The following PRRC1 variants were observed in gnomAD, a reference collection of about 807,000 sequenced individuals.
PRRC1 encodes protein PRRC1.
In PRRC1, 39 loss-of-function variants were observed where a neutral mutation model predicts 40.7. The observed-to-expected ratio is 0.96, with a 90% CI of 0.74 to 1.25. The LOEUF (loss-of-function observed/expected upper bound fraction) is 1.25. Among genes scored for constraint, PRRC1 ranks in the 50% most tolerant of loss-of-function variants. PRRC1 has a pLI of 0.00. For synonymous variants in PRRC1, 175 were observed against 193.3 expected (o/e 0.91, Z 0.79); for missense variants, 573 against 548.3 (o/e 1.05, Z -0.45).
rs1768461679 is a variant in PRRC1, at chr5:127,553,988, G to C, written c.*2072G>C. 3 of 1,380,380 alleles carry C rather than the reference G, an allele frequency of 2.2e-6. No individual in the cohort carries two copies. The highest frequency in any genetic ancestry group is 2.9e-6 in the Non-Finnish European group (3 of 1,039,158). 85.5% of individuals were successfully genotyped at this position (1,380,380 alleles called of 1,614,324 possible). On this transcript the variant is annotated 3_prime_UTR_variant, in exon 9 of 9. Coordinates refer to ENST00000296666, the MANE Select transcript of PRRC1 (RefSeq NM_130809.5). ...TCTGGCCTCTCTGGTTCTGTTCTTG[G>C]CCCAGAGTTTTTGAAAAGCAGCGGA...
intron 7 of PRRC1, among the ~76,000 whole-genome samples, chr5:127,541,192 A>T (rs1291645484): frequency 6.6e-6 from 1 of 152,160 alleles, no homozygotes; most frequent in Non-Finnish European, 1.5e-5. Context: ...TTTTGTGTAT[A>T]TTGAACCAGC....
intron 8 of PRRC1, chr5:127,550,042 A>G (rs969716358): frequency 5.3e-5 from 8 of 151,464 alleles, no homozygotes; most frequent in African/African-American, 1.9e-4. Flanking sequence ...AAAACAGCAC[A>G]TCTAGTATGA....
intron 6 of PRRC1, among the ~76,000 whole-genome samples, chr5:127,538,081 A>G (rs966585911): frequency 6.6e-6 from 1 of 151,846 alleles, no homozygotes; most frequent in Admixed American, 6.6e-5. Flanking sequence ...AAAATATACA[A>G]TCTTGGTTTT....
At chr5:127,531,905 T>C (rs1767782758) in intron 5 of PRRC1, among the ~76,000 whole-genome samples, 1 of 151,742 alleles carries the variant, frequency 6.6e-6, no homozygotes, top group East Asian at 1.9e-4. Context: ...ATGATAAAGG[T>C]AGAGCCATCA....
intron 6 of PRRC1, among the ~76,000 whole-genome samples, chr5:127,536,910 A>G (rs1229730798): frequency 6.6e-6 from 1 of 151,918 alleles, no homozygotes; most frequent in Non-Finnish European, 1.5e-5. Context: ...GAGAAGAAAA[A>G]TAATGTAGAG....
At position 127,524,791 on chromosome 5, in the gene PRRC1, C is replaced by T. The variant is rs1396668499; in HGVS notation, c.364C>T (p.Pro122Ser). ...AACTTCTGCCCCAAACACTCTTTTA[C>T]CTGCACCCCCTTCGGGTCCTCCTAT... ...PSTSAPNTLLPAPPSGPPISG... is the reference protein window; with the variant it reads ...PSTSAPNTLLSAPPSGPPISG... Residue 122 changes from proline to serine, a missense_variant, in exon 3 of 9, where the codon CCT becomes TCT. By Grantham distance (74) the Pro-to-Ser change is moderately conservative (BLOSUM62 -1). Transcript: ENST00000296666. The T allele has an allele frequency of 6.2e-7, 1 of 1,614,196 alleles. No homozygotes were observed. The highest frequency in any genetic ancestry group is 8.5e-7 in the Non-Finnish European group (1 of 1,180,026).
intron 6 of PRRC1, among the ~76,000 whole-genome samples, chr5:127,536,803 G>A (rs955045056): frequency 6.6e-6 from 1 of 151,838 alleles, no homozygotes; most frequent in Admixed American, 6.6e-5. Flanking sequence ...TTCAGTTCAA[G>A]CTCAAAACTA....
At chr5:127,541,150 G>A (rs901801835) in intron 7 of PRRC1, among the ~76,000 whole-genome samples, 5 of 152,088 alleles carry the variant, frequency 3.3e-5, no homozygotes, top group Admixed American at 1.3e-4. Flanking sequence ...TTTGTCTTTG[G>A]TTCTGTTTAT....
chr5:127,520,979 A>G (rs1767443975), intron 1 of PRRC1, among the ~76,000 whole-genome samples: 1 of 152,146 alleles, frequency 6.6e-6, no homozygotes, highest in Non-Finnish European at 1.5e-5. Context: ...AATTCCTTCA[A>G]AACAGTTAAA....
At chr5:127,544,217 T>C (rs1294112976) in intron 7 of PRRC1, among the ~76,000 whole-genome samples, 1 of 152,216 alleles carries the variant, frequency 6.6e-6, no homozygotes, top group Admixed American at 6.5e-5. Context: ...TGCTGCTGTC[T>C]GATCGTTCCT....
chr5:127,518,211 C>G (rs910568770), intron 1 of PRRC1, among the ~76,000 whole-genome samples: 1 of 152,222 alleles, frequency 6.6e-6, no homozygotes, highest in East Asian at 1.9e-4. Context: ...AAGCCGCTGT[C>G]TCCTGAAACA....
intron 6 of PRRC1, among the ~76,000 whole-genome samples, chr5:127,537,885 G>C (rs192054): frequency 0.32 from 48,313 of 151,682 alleles, 7,958 homozygotes; most frequent in East Asian, 0.55. Context: ...AAATCAACAG[G>C]TGCCTCTTTA....
intron 4 of PRRC1, among the ~76,000 whole-genome samples, chr5:127,530,009 C>A (rs1304201560): frequency 1.3e-5 from 2 of 151,928 alleles, no homozygotes; most frequent in Admixed American, 6.6e-5. Flanking sequence ...TATATACACA[C>A]ACATATATAT....
chr5:127,542,296 A>G (rs1327760675), intron 7 of PRRC1, among the ~76,000 whole-genome samples: 1 of 152,104 alleles, frequency 6.6e-6, no homozygotes, highest in Non-Finnish European at 1.5e-5. Flanking sequence ...ACTTCCAAGT[A>G]TGTGGTCAAT....
Position 127,545,430 on chromosome 5 carries a change from A to T in PRRC1, c.1026-2389A>T, listed in dbSNP as rs914147110. ...AGACTGGATTAAGAAAATGTGGTAC[A>T]TATACACCATGGAATACTATGCAGC... On this transcript the variant is annotated intron_variant, in intron 7 of 8. Coordinates refer to ENST00000296666, the MANE Select transcript of PRRC1 (RefSeq NM_130809.5). 2.0e-5 allele frequency among the ~76,000 whole-genome samples: 3 copies of T among 152,264 alleles called. No homozygotes were observed. The East Asian group carries it at 5.8e-4, about 29-fold the overall frequency.
rs1337042491 is a variant in PRRC1, at chr5:127,542,180, A to G, written c.1025+3037A>G. The stretch of plus-strand genomic sequence containing the variant: ...TTGTTCAGTTTCCACGTAGTTGAGC[A>G]GTTTTGAGTGAGTTTCTTAATCCTG... On this transcript the variant is annotated intron_variant, in intron 7 of 8. Coordinates refer to ENST00000296666, the MANE Select transcript of PRRC1 (RefSeq NM_130809.5). Among the ~76,000 whole-genome samples, 5 of 152,038 alleles carry G rather than the reference A, an allele frequency of 3.3e-5. No individual in the cohort carries two copies. The East Asian group carries it at 7.7e-4, about 23-fold the overall frequency.
chr5:127,524,844 T>G lies in PRRC1; in HGVS notation c.417T>G (p.Tyr139Ter). ...CAGGATTTTCTGTTGGTTCAACTTA[T>G]GACATTACAAGGGGACATGCTGGGA... Reference protein sequence around the residue: ...PISGFSVGSTYDITRGHAGRA... With the variant: ...PISGFSVGST The change falls in exon 3 of 9, where the codon TAT becomes TAG. Residue 139 changes from tyrosine (Y) to a stop codon, truncating the protein, a stop_gained. Transcript: ENST00000296666. LOFTEE classifies it high-confidence loss of function. The G allele has an allele frequency of 6.2e-7, 1 of 1,614,258 alleles. No homozygotes were observed. Among genetic ancestry groups the G allele is most frequent in the Non-Finnish European group, 8.5e-7 (1 of 1,180,040 alleles).
intron 5 of PRRC1, among the ~76,000 whole-genome samples, chr5:127,532,499 G>A (rs895347394): frequency 2.6e-5 from 4 of 152,090 alleles, no homozygotes; most frequent in Non-Finnish European, 5.9e-5. Flanking sequence ...AGAAATGGCA[G>A]GACTACTCAT....
At chr5:127,523,437 G>T in intron 1 of PRRC1, 23 bp from the exon 2 acceptor site, 3 of 1,199,644 alleles carry the variant, frequency 2.5e-6, no homozygotes, top group East Asian at 2.4e-5. Flanking sequence ...TGTAATATTT[G>T]TTACATTTTT....
Sources: gnomAD v4.1 joint callset for allele counts (sites outside exome capture counted in the v4.1 genomes callset) on GRCh38, gnomAD v4.1.1 for gene constraint, MANE v1.5 for transcripts, NCBI Gene and HGNC (gene_info 2026-07-23, HGNC 2026-07-21) for gene names.